The following C14orf93 variants were observed in gnomAD, a reference collection of about 807,000 sequenced individuals.
The protein encoded by C14orf93 is uncharacterized protein C14orf93.
In C14orf93, 23 loss-of-function variants were observed where a neutral mutation model predicts 44.0. The observed-to-expected ratio is 0.52, with a 90% CI of 0.38 to 0.74. C14orf93 has a LOEUF of 0.74. Ranked by LOEUF, C14orf93 falls within the 30% of genes least tolerant of loss-of-function variation. The probability of loss-of-function intolerance (pLI) is 0.00; values close to 1 mark genes in which losing one functional copy is unlikely to be tolerated. For missense variants in C14orf93, 579 were observed against 678.9 expected, an observed-to-expected ratio of 0.85 and a Z score of 1.64; for synonymous variants, 253 against 265.7, an observed-to-expected ratio of 0.95 and a Z score of 0.46.
chr14:23,002,996 A>C (rs2046388637), intron 1 of C14orf93, among the ~76,000 whole-genome samples: 1 of 152,242 alleles, frequency 6.6e-6, no homozygotes, highest in Admixed American at 6.5e-5. Context: ...ACCTTCTATG[A>C]CGCAAATTAG....
Position 22,987,122 on chromosome 14 carries a change from A to G in C14orf93, c.*93T>C. The G allele has an allele frequency of 7.4e-7, 1 of 1,356,040 alleles. No individual in the cohort carries two copies. The highest frequency in any genetic ancestry group is 1.0e-6 in the Non-Finnish European group (1 of 1,002,458). The allele number at this position is 1,356,040 out of a possible 1,614,324, so 84.0% of individuals were successfully genotyped here. A position where few individuals can be genotyped will look rare whatever the true frequency, so the allele number is the denominator to read the frequency against. ...AGGCAAATTTGCTTTCTCAGACTGCACAGAGCATCTCATTATTTTGTGAAG... is the reference window on the plus strand; with the variant it reads ...AGGCAAATTTGCTTTCTCAGACTGCGCAGAGCATCTCATTATTTTGTGAAG... On this transcript the variant is annotated 3_prime_UTR_variant, in exon 7 of 7. Coordinates refer to ENST00000299088, the MANE Select transcript of C14orf93 (RefSeq NM_021944.4). The surrounding 1 kb of genome is among the most constrained non-coding windows in gnomAD (Gnocchi z 5.6).
In C14orf93 at chr14:22,998,411, C is replaced by G. The variant is rs760603921; in HGVS notation, c.597+16G>C. 16 of 1,514,314 alleles carry G rather than the reference C, an allele frequency of 1.1e-5. No individual in the cohort carries two copies. 93.8% of individuals were successfully genotyped at this position (1,514,314 alleles called of 1,614,324 possible). On this transcript the variant is annotated intron_variant, in intron 2 of 6. Transcript: ENST00000299088. ...AAAAGCACCTAGGAGGAATAGCCCT[C>G]TGCTGCCATACTCACAGGATTGAGC...
At chr14:22,998,372 A>C (rs1181403017) in intron 2 of C14orf93, 55 bp downstream of exon 2, 2 of 1,445,406 alleles carry the variant, frequency 1.4e-6, no homozygotes, top group African/African-American at 2.9e-5. Flanking sequence ...AAGGAAAAAG[A>C]GTGAAAAGCC....
In C14orf93 at chr14:22,992,951, C is replaced by T. The variant is rs529368983; in HGVS notation, c.919-2824G>A. 2.4e-4 allele frequency among the ~76,000 whole-genome samples: 36 copies of T among 152,270 alleles called. No individual in the cohort carries two copies. In the East Asian group the frequency reaches 6.8e-3, roughly 29 times the overall value. ...CTAGAGTGCAGTGGTGTGGTCTCAG[C>T]TCACTGCAACCTCCGCCTCCCAGGT... is the stretch of plus-strand genomic sequence containing the variant. On this transcript the variant is annotated intron_variant, in intron 3 of 6. Transcript: ENST00000299088.
chr14:23,000,573 G>A (rs1004097702), intron 1 of C14orf93, among the ~76,000 whole-genome samples: 9 of 151,890 alleles, frequency 5.9e-5, no homozygotes, highest in East Asian at 1.9e-4. Flanking sequence ...AAAATTAACC[G>A]GGCGTAGTGG....
chr14:22,998,654 G>C lies in C14orf93; in HGVS notation c.370C>G (p.Pro124Ala), dbSNP rs953732587. 2.4e-5 allele frequency: 38 copies of C among 1,613,896 alleles called. No homozygotes were observed. Among genetic ancestry groups the C allele is most frequent in the Non-Finnish European group, 3.2e-5 (38 of 1,179,860 alleles). The change falls in exon 2 of 7, where the codon CCT (proline) becomes GCT (alanine). Residue 124 changes from proline (P) to alanine (A), a missense_variant. Transcript: ENST00000299088. The stretch of plus-strand genomic sequence containing the variant: ...CCGGGACTTTCCTTGAGAGGCCCAG[G>C]CTCCTCAGGTGGGGAACTATGTGCC... ...SRAHSSPPEE[P>A]GPLKESPGEA...
At chr14:23,009,329 GA>G (rs566666007) in intron 1 of C14orf93, among the ~76,000 whole-genome samples, 86 of 152,064 alleles carry the variant, frequency 5.7e-4, no homozygotes, top group African/African-American at 2.0e-3. Flanking sequence ...GAAGACAACG[GA>G]AAAAAATTCA....
At position 22,987,531 on chromosome 14, in the gene C14orf93, A is replaced by C. The variant is rs761209915; in HGVS notation, c.1301T>G (p.Leu434Arg). ...EELMSDEEDS[L>R]NEPGVWVARP... ...GGCCACCCACACACCTGGCTCGTTA[A>C]GACTGTCCTCTTCATCTGACATCAG... The change falls in exon 7 of 7, where the codon CTT becomes CGT. Residue 434 changes from leucine (L) to arginine (R), a missense_variant. Physicochemically the swap from Leu to Arg is moderately radical, Grantham distance 102 (BLOSUM62 -2). Coordinates refer to ENST00000299088, the MANE Select transcript of C14orf93 (RefSeq NM_021944.4). The surrounding 1 kb of genome is among the most constrained non-coding windows in gnomAD (Gnocchi z 5.6). The C allele has an allele frequency of 1.9e-6, 3 of 1,614,108 alleles. No individual in the cohort carries two copies. The African/African-American group carries it at 4.0e-5, about 22-fold the overall frequency.
chr14:22,996,169 G>A lies in C14orf93; in HGVS notation c.697C>T (p.Arg233Trp), dbSNP rs529811646. The change falls in exon 3 of 7, where the codon CGG (arginine) becomes TGG (tryptophan). Residue 233 changes from arginine to tryptophan, a missense_variant. Coordinates refer to ENST00000299088, the MANE Select transcript of C14orf93 (RefSeq NM_021944.4). This position sits in a 1 kb window ranked among gnomAD's most constrained non-coding sequence, Gnocchi z 4.1. ...LSPATQLAIQ[R>W]ATPETGPENG... ...TCTGGTCCTGTCTCTGGGGTTGCCC[G>A]CTGGATTGCCAGTTGTGTGGCTGGT... 1.2e-5 allele frequency: 19 copies of A among 1,613,726 alleles called. No individual in the cohort carries two copies. Among genetic ancestry groups the A allele is most frequent in the East Asian group, 8.9e-5 (4 of 44,880 alleles).
In C14orf93 at chr14:23,005,132, T is replaced by C. The variant is rs548254570; in HGVS notation, c.-380+4969A>G. On this transcript the variant is annotated intron_variant, in intron 1 of 6. Transcript: ENST00000299088. ...TAACTGATAGGGTAGTAAGACATTC[T>C]AGAGGAAAAAAAAAAAATTACAGGA... 9.2e-4 allele frequency: 139 copies of C among 151,148 alleles called. 1 individual carries two copies. Among genetic ancestry groups the C allele is most frequent in the African/African-American group, 3.2e-3 (130 of 41,088 alleles). 9.4% of individuals were successfully genotyped at this position (151,148 alleles called of 1,614,324 possible).
Position 22,987,391 on chromosome 14 carries a change from G to A in C14orf93, c.1441C>T (p.Pro481Ser). ...GGAAGGAGCTGGGCTTCAGCAGAAG[G>A]CAGTCTGTCTGAGGGAGGCCCATAC... The part of the protein sequence containing the change: ...RVYGPPSDRL[P>S]SAEAQLLPPE... The change falls in exon 7 of 7, where the codon CCT becomes TCT. Residue 481 changes from proline (P) to serine (S), a missense_variant. Pro to Ser is a moderately conservative substitution (Grantham distance 74, BLOSUM62 -1). Transcript: ENST00000299088. This position sits in a 1 kb window ranked among gnomAD's most constrained non-coding sequence, Gnocchi z 5.6. 1 of 1,614,258 alleles carries A rather than the reference G, an allele frequency of 6.2e-7. No homozygotes were observed.
In C14orf93 at chr14:22,998,626, TC is replaced by T; in HGVS notation, c.397del (p.Glu133LysfsTer23). On this transcript the variant is annotated frameshift_variant, in exon 2 of 7. Coordinates refer to ENST00000299088, the MANE Select transcript of C14orf93 (RefSeq NM_021944.4). LOFTEE classifies it high-confidence loss of function. ...CACGGCAGACAGAGCCTTAAAGGCT[TC>T]CCCGGGACTTTCCTTGAGAGGCCCA... The part of the protein sequence containing the change: ...EPGPLKESPG[E>X]AFKALSAVEE... 1 of 1,613,882 alleles carries T rather than the reference TC, an allele frequency of 6.2e-7. No individual in the cohort carries two copies. Among genetic ancestry groups the T allele is most frequent in the Non-Finnish European group, 8.5e-7 (1 of 1,179,766 alleles).
At position 22,998,505 on chromosome 14, in the gene C14orf93, G is replaced by A. The variant is rs1482475311; in HGVS notation, c.519C>T (p.Gly173=). The A allele has an allele frequency of 6.2e-7, 1 of 1,612,572 alleles. No homozygotes were observed. The highest frequency in any genetic ancestry group is 1.1e-5 in the South Asian group (1 of 90,964). ...GCATGTCCCTCTGAGTTGCTGGGAA[G>A]CCCAAAGGCCCAGGCCCCACTGAGG... ...GAASVGPGPL[G]FPATQRDMRL... Residue 173 remains glycine, a synonymous_variant, in exon 2 of 7, where the codon GGC becomes GGT. Coordinates refer to ENST00000299088, the MANE Select transcript of C14orf93 (RefSeq NM_021944.4).
At chr14:23,004,421 G>C (rs2046525361) in intron 1 of C14orf93, among the ~76,000 whole-genome samples, 1 of 151,812 alleles carries the variant, frequency 6.6e-6, no homozygotes, top group Admixed American at 6.6e-5. Flanking sequence ...GCCTCCCAAA[G>C]TGCTGAGATT....
Position 22,987,083 on chromosome 14 carries a change from T to C in C14orf93, c.*132A>G, listed in dbSNP as rs1306539497. On this transcript the variant is annotated 3_prime_UTR_variant, in exon 7 of 7. Coordinates refer to ENST00000299088, the MANE Select transcript of C14orf93 (RefSeq NM_021944.4). This position sits in a 1 kb window ranked among gnomAD's most constrained non-coding sequence, Gnocchi z 5.6. ...AGTGTTCTGCTTCCCCAGTAGAGAC[T>C]GTGTTAAGAAAAGAGGCAAATTTGC... 3 of 938,962 alleles carry C rather than the reference T, an allele frequency of 3.2e-6. No homozygotes were observed. Among genetic ancestry groups the C allele is most frequent in the Middle Eastern group, 2.3e-4 (1 of 4,390 alleles). The allele number at this position is 938,962 out of a possible 1,614,324, so 58.2% of individuals were successfully genotyped here. A position where few individuals can be genotyped will look rare whatever the true frequency, so the allele number is the denominator to read the frequency against.
Position 22,986,676 on chromosome 14 carries a change from C to G in C14orf93, c.*539G>C, listed in dbSNP as rs1376998183. On this transcript the variant is annotated 3_prime_UTR_variant, in exon 7 of 7. Transcript: ENST00000299088. ...AAACAATAGCTATTATATCAGGAAC[C>G]CAATTCCCCAATAGTGATAGAACTT... is the stretch of plus-strand genomic sequence containing the variant. The G allele has an allele frequency of 6.5e-6, 1 of 154,858 alleles. No individual in the cohort carries two copies. The highest frequency in any genetic ancestry group is 2.4e-5 in the African/African-American group (1 of 41,446). 9.6% of individuals were successfully genotyped at this position (154,858 alleles called of 1,614,324 possible).
intron 5 of C14orf93, 140 bp downstream of exon 5, chr14:22,989,602 T>C (rs909567813): frequency 1.1e-4 from 73 of 635,764 alleles, no homozygotes; most frequent in Non-Finnish European, 1.8e-4. Flanking sequence ...AAGGTGAGAA[T>C]AGCCAAAAAA....
chr14:23,000,624 G>A (rs555821699), intron 1 of C14orf93, among the ~76,000 whole-genome samples: 3 of 150,504 alleles, frequency 2.0e-5, no homozygotes, highest in African/African-American at 7.3e-5. Context: ...GTTGAGGCAG[G>A]AGAATCACTT....
At chr14:22,990,038 T>C in intron 4 of C14orf93, 28 bp downstream of exon 4, 1 of 1,593,144 alleles carries the variant, frequency 6.3e-7, no homozygotes, top group Non-Finnish European at 8.6e-7. Flanking sequence ...AAGTACCTTC[T>C]AATTCTTTTT....
Sources: gnomAD v4.1 joint callset for allele counts (sites outside exome capture counted in the v4.1 genomes callset) on GRCh38, gnomAD v4.1.1 for gene constraint, Gnocchi (gnomAD v3.1) non-coding constraint, MANE v1.5 for transcripts, NCBI Gene and HGNC (gene_info 2026-07-23, HGNC 2026-07-21) for gene names.